ACER1: variants seen among roughly 807,000 people sequenced by gnomAD.
The protein encoded by ACER1 is CTB-180A7.3.
ACER1 carries 28 observed loss-of-function variants against 24.9 expected under a neutral mutation model. The observed-to-expected ratio is 1.13, with a 90% confidence interval of 0.83 to 1.54. The LOEUF (loss-of-function observed/expected upper bound fraction) is 1.54. ACER1 is among the 40% of genes most tolerant of loss of function. ACER1 has a pLI of 0.00. For synonymous variants in ACER1, 132 were observed against 131.4 expected, an observed-to-expected ratio of 1.00 and a Z score of -0.03; for missense variants, 352 against 349.3, an observed-to-expected ratio of 1.01 and a Z score of -0.06.
chr19:6,345,728 C>T, the ACER1 span, among the ~76,000 whole-genome samples: 1 of 151,680 alleles, frequency 6.6e-6, no homozygotes, highest in Admixed American at 6.6e-5. Context: ...CCATGCCCAG[C>T]TAATTTTTGT....
At chr19:6,347,223 T>C in the ACER1 span, among the ~76,000 whole-genome samples, 12 of 141,220 alleles carry the variant, frequency 8.5e-5, no homozygotes, top group South Asian at 4.3e-4. Flanking sequence ...CTTTTCTTTT[T>C]CTTTTTTTTT....
the ACER1 span, among the ~76,000 whole-genome samples, chr19:6,344,517 C>T: frequency 2.0e-5 from 3 of 151,742 alleles, no homozygotes; most frequent in Admixed American, 2.0e-4. Flanking sequence ...GCCTCAGCCT[C>T]CCTAGTAGCT....
chr19:6,323,113 A>G (rs1176038574), intron 1 of ACER1, among the ~76,000 whole-genome samples: 2 of 151,724 alleles, frequency 1.3e-5, no homozygotes, highest in African/African-American at 4.8e-5. Context: ...ACTCTGTCTC[A>G]AAACAAACAA....
chr19:6,312,547 G>A (rs746729166), intron 1 of ACER1, 48 bp from the exon 2 acceptor site: 29 of 1,460,012 alleles, frequency 2.0e-5, no homozygotes, highest in African/African-American at 4.2e-5. Context: ...TAGGGGAGAC[G>A]GAGGAGGCTG....
intron 1 of ACER1, among the ~76,000 whole-genome samples, chr19:6,328,367 T>C (rs1304568509): frequency 6.6e-6 from 1 of 151,662 alleles, no homozygotes; most frequent in Non-Finnish European, 1.5e-5. Context: ...GGCAGGTGCC[T>C]GTAGTCCCAG....
At chr19:6,316,511 C>A (rs1390792694) in intron 1 of ACER1, among the ~76,000 whole-genome samples, 1 of 152,010 alleles carries the variant, frequency 6.6e-6, no homozygotes, top group Non-Finnish European at 1.5e-5. Flanking sequence ...TTAAGTGAAA[C>A]AACTCAGAAA....
At chr19:6,333,630 CG>C, upstream of ACER1, 2 of 1,300,392 alleles carry the variant, frequency 1.5e-6, no homozygotes, top group Non-Finnish European at 2.1e-6. Context: ...CCTGATGAGG[CG>C]GGGAGAGGAC....
At chr19:6,357,253 G>A in the ACER1 span, among the ~76,000 whole-genome samples, 1 of 151,866 alleles carries the variant, frequency 6.6e-6, no homozygotes, top group Non-Finnish European at 1.5e-5. Flanking sequence ...CACCACGTTG[G>A]TCAGGCTGGT....
intron 1 of ACER1, among the ~76,000 whole-genome samples, chr19:6,329,764 G>A (rs960088370): frequency 6.6e-6 from 1 of 151,964 alleles, no homozygotes; most frequent in African/African-American, 2.4e-5. Flanking sequence ...GGAATACGGT[G>A]GTGCAGTAAC....
chr19:6,315,053 A>G (rs148221540), intron 1 of ACER1, among the ~76,000 whole-genome samples: 5,779 of 146,904 alleles, frequency 0.039, 372 homozygotes, highest in African/African-American at 0.14. Context: ...CACCACGCCC[A>G]GCTAATTATT....
At chr19:6,356,034 G>A in the ACER1 span, among the ~76,000 whole-genome samples, 1 of 151,522 alleles carries the variant, frequency 6.6e-6, no homozygotes, top group Admixed American at 6.6e-5. Context: ...TAGAAAGGGG[G>A]GAAAGGCGGG....
intron 4 of ACER1, 26 bp from the exon 5 acceptor site, chr19:6,307,316 G>T: frequency 6.2e-7 from 1 of 1,612,584 alleles, no homozygotes; most frequent in Non-Finnish European, 8.5e-7. Flanking sequence ...GGGGACCAGG[G>T]GCTGGCTCGG....
intron 1 of ACER1, among the ~76,000 whole-genome samples, chr19:6,321,907 C>T (rs575931657): frequency 4.6e-5 from 7 of 151,996 alleles, no homozygotes; most frequent in South Asian, 2.1e-4. Flanking sequence ...CCACTGCACC[C>T]GGCCGGCAGG....
At chr19:6,340,764 G>A in the ACER1 span, among the ~76,000 whole-genome samples, 2 of 152,102 alleles carry the variant, frequency 1.3e-5, no homozygotes, top group South Asian at 2.1e-4. Flanking sequence ...AGAGCAGCCA[G>A]GAAGGTGGGT....
the ACER1 span, among the ~76,000 whole-genome samples, chr19:6,351,155 A>G: frequency 6.7e-6 from 1 of 148,904 alleles, no homozygotes; most frequent in Non-Finnish European, 1.5e-5. Flanking sequence ...TCACGAGGTC[A>G]AGAGATCGAG....
chr19:6,306,998 GC>G, intron 5 of ACER1, 116 bp from the exon 6 acceptor site: 1 of 1,486,252 alleles, frequency 6.7e-7, no homozygotes. Flanking sequence ...TCTGGGTCTG[GC>G]CCCGTGACTG....
chr19:6,332,256 C>T (rs369607121), intron 1 of ACER1, among the ~76,000 whole-genome samples: 18 of 147,634 alleles, frequency 1.2e-4, no homozygotes, highest in African/African-American at 2.3e-4. Context: ...CGTGAGCCTC[C>T]GCGCCCGGCC....
At chr19:6,342,063 C>T in the ACER1 span, among the ~76,000 whole-genome samples, 2 of 152,100 alleles carry the variant, frequency 1.3e-5, no homozygotes, top group Non-Finnish European at 1.5e-5. Context: ...TGTTTAAAGA[C>T]AGTGTTTAAG....
chr19:6,308,296 G>A lies in ACER1; in HGVS notation c.489-1006C>T, dbSNP rs141546645. Among the ~76,000 whole-genome samples the A allele has an allele frequency of 3.7e-3, 558 of 151,834 alleles. 5 individuals carry two copies. The highest frequency in any genetic ancestry group is 0.012 in the African/African-American group (491 of 41,364). ...CTAAAAATACAAAAATTAGCCGGGCGTGGTGGCGTGTGTCTGTAATTTCAG... is the reference window on the plus strand; with the variant it reads ...CTAAAAATACAAAAATTAGCCGGGCATGGTGGCGTGTGTCTGTAATTTCAG... On this transcript the variant is annotated intron_variant, in intron 4 of 5. Coordinates refer to ENST00000301452, the MANE Select transcript of ACER1 (RefSeq NM_133492.3).
Sources: allele counts gnomAD v4.1 joint callset (sites outside exome capture counted in the v4.1 genomes callset), GRCh38; gene constraint gnomAD v4.1.1; transcripts MANE v1.5; gene names NCBI Gene and HGNC (gene_info 2026-07-23, HGNC 2026-07-21).